OLFM3: variants seen among roughly 807,000 people sequenced by gnomAD.
OLFM3 encodes the protein olfactomedin 3.
A neutral mutation model predicts 48.6 loss-of-function variants in OLFM3; 20 were observed. The ratio of observed to expected loss-of-function variants is 0.41; its 90% CI spans 0.29 to 0.60. The LOEUF is 0.60. Among genes scored for constraint, OLFM3 ranks in the 20% least tolerant of loss-of-function variants. The probability of loss-of-function intolerance (pLI) is 0.28; values close to 1 mark genes in which losing one functional copy is unlikely to be tolerated. For synonymous variants in OLFM3, 222 were observed against 198.1 expected (o/e 1.12, Z -1.01); for missense variants, 437 against 544.3 (o/e 0.80, Z 1.96).
intron 1 of OLFM3, among the ~76,000 whole-genome samples, chr1:101,988,066 T>C (rs1661298823): frequency 6.6e-6 from 1 of 152,068 alleles, no homozygotes; most frequent in African/African-American, 2.4e-5. Context: ...GGCTTTTCTT[T>C]ATATGGCACA....
chr1:101,843,501 G>A (rs541449518), intron 1 of OLFM3, among the ~76,000 whole-genome samples: 27 of 152,252 alleles, frequency 1.8e-4, no homozygotes, highest in Non-Finnish European at 3.2e-4. Context: ...AGGCTGATGG[G>A]CCCAGTGGAT....
At chr1:101,986,628 T>C (rs1390397510) in intron 1 of OLFM3, among the ~76,000 whole-genome samples, 1 of 152,252 alleles carries the variant, frequency 6.6e-6, no homozygotes, top group Non-Finnish European at 1.5e-5. Context: ...AATATCATTA[T>C]GTACAAATAG....
In OLFM3 at chr1:101,919,056, C is replaced by T. The variant is rs1336170215; in HGVS notation, c.69+77692G>A. Among the ~76,000 whole-genome samples, 14 of 152,074 alleles carry T rather than the reference C, an allele frequency of 9.2e-5. No individual in the cohort carries two copies. In the East Asian group the frequency reaches 2.7e-3, roughly 29 times the overall value. ...TTAGTTCACTGTTACATATCAACCA[C>T]CTAACTGTACTTTAATTTTATTTGA... is the stretch of plus-strand genomic sequence containing the variant. On this transcript the variant is annotated intron_variant, in intron 1 of 5. Transcript: ENST00000370103.
At chr1:101,904,279 G>A (rs1202942400) in intron 1 of OLFM3, among the ~76,000 whole-genome samples, 1 of 152,034 alleles carries the variant, frequency 6.6e-6, no homozygotes, top group Non-Finnish European at 1.5e-5. Flanking sequence ...ATATGGTCAG[G>A]GTAAATTGGA....
intron 1 of OLFM3, among the ~76,000 whole-genome samples, chr1:101,982,422 T>C (rs1341707608): frequency 6.6e-6 from 1 of 152,186 alleles, no homozygotes; most frequent in African/African-American, 2.4e-5. Flanking sequence ...AATATAAAGA[T>C]AGAGAATATA....
At chr1:101,824,104 TTG>T (rs141570598) in intron 4 of OLFM3, among the ~76,000 whole-genome samples, 28 of 149,920 alleles carry the variant, frequency 1.9e-4, no homozygotes, top group East Asian at 3.9e-4. Context: ...AATTAATCTT[TTG>T]TGTGTGTGTG....
At chr1:101,835,714 G>A (rs576818898) in intron 2 of OLFM3, among the ~76,000 whole-genome samples, 6 of 152,244 alleles carry the variant, frequency 3.9e-5, no homozygotes, top group South Asian at 2.1e-4. Context: ...TGAGGGATCC[G>A]AAAGGATGGG....
At position 101,846,705 on chromosome 1, in the gene OLFM3, G is replaced by T; in HGVS notation, c.70-9680C>A. The stretch of plus-strand genomic sequence containing the variant: ...TAAAGTGTTTATAAATAAATATGAT[G>T]AAAGTTACCACATAGTTACTACATT... On this transcript the variant is annotated intron_variant, in intron 1 of 5. Coordinates refer to ENST00000370103, the MANE Select transcript of OLFM3 (RefSeq NM_058170.4). The T allele has an allele frequency of 5.0e-6, 3 of 605,556 alleles. No homozygotes were observed. In the South Asian group the frequency reaches 6.9e-5, roughly 14 times the overall value. 37.5% of individuals were successfully genotyped at this position (605,556 alleles called of 1,614,324 possible).
chr1:101,827,062 T>C (rs1654896280), intron 3 of OLFM3, among the ~76,000 whole-genome samples: 2 of 152,226 alleles, frequency 1.3e-5, no homozygotes. Flanking sequence ...GTCCACCCAA[T>C]GCTCATATCA....
chr1:101,894,717 T>C (rs373666413), intron 1 of OLFM3, among the ~76,000 whole-genome samples: 17 of 152,284 alleles, frequency 1.1e-4, no homozygotes, highest in Non-Finnish European at 2.2e-4. Context: ...TAAATGTGTT[T>C]CAAAGTCCAA....
chr1:101,994,906 T>C (rs1352602719), intron 1 of OLFM3, among the ~76,000 whole-genome samples: 1 of 152,020 alleles, frequency 6.6e-6, no homozygotes, highest in Non-Finnish European at 1.5e-5. Flanking sequence ...CTGAAGAAAG[T>C]AAAAAGTTTT....
chr1:101,970,075 G>T (rs1048459868), intron 1 of OLFM3, among the ~76,000 whole-genome samples: 6 of 151,776 alleles, frequency 4.0e-5, no homozygotes, highest in Admixed American at 6.6e-5. Context: ...GAGTGCAGTG[G>T]CTTGATCTCA....
At chr1:101,850,963 G>A (rs928517870) in intron 1 of OLFM3, among the ~76,000 whole-genome samples, 5 of 152,056 alleles carry the variant, frequency 3.3e-5, no homozygotes, top group African/African-American at 1.2e-4. Context: ...CAATTGGGTA[G>A]AACATCGAAA....
intron 1 of OLFM3, among the ~76,000 whole-genome samples, chr1:101,970,177 C>T (rs966955022): frequency 3.3e-5 from 5 of 152,086 alleles, no homozygotes; most frequent in Middle Eastern, 3.4e-3. Context: ...TACCACACCC[C>T]GCTAATTTTT....
chr1:101,959,502 T>C (rs544742169), intron 1 of OLFM3, among the ~76,000 whole-genome samples: 1 of 152,234 alleles, frequency 6.6e-6, no homozygotes, highest in East Asian at 1.9e-4. Flanking sequence ...ACATGCACTG[T>C]GCTCGGCTTA....
intron 1 of OLFM3, among the ~76,000 whole-genome samples, chr1:101,877,929 T>C (rs1459354373): frequency 6.6e-6 from 1 of 151,870 alleles, no homozygotes; most frequent in Admixed American, 6.6e-5. Flanking sequence ...GTTTTTTTTC[T>C]ATTTAATACT....
In OLFM3 at chr1:101,804,449, G is replaced by A. The variant is rs2100856440; in HGVS notation, c.1166C>T (p.Ser389Phe). Residue 389 changes from serine to phenylalanine, a missense_variant, in exon 6 of 6, where the codon TCC (serine) becomes TTC (phenylalanine). Coordinates refer to ENST00000370103, the MANE Select transcript of OLFM3 (RefSeq NM_058170.4). The surrounding 1 kb of genome is among the most constrained non-coding windows in gnomAD (Gnocchi z 4.5). ...ATACACCTTGGCTCCAGTTAAGTGG[G>A]AGTTGGTGACATACAGTGTCCCACA... is the stretch of plus-strand genomic sequence containing the variant. ...MICGTLYVTN[S>F]HLTGAKVYYS... 1 of 1,612,570 alleles carries A rather than the reference G, an allele frequency of 6.2e-7. No individual in the cohort carries two copies. The highest frequency in any genetic ancestry group is 8.5e-7 in the Non-Finnish European group (1 of 1,179,040).
intron 1 of OLFM3, among the ~76,000 whole-genome samples, chr1:101,849,623 C>T (rs1656146002): frequency 6.6e-6 from 1 of 152,150 alleles, no homozygotes; most frequent in African/African-American, 2.4e-5. Context: ...CAAAGCATAT[C>T]AGAGACAAGA....
intron 1 of OLFM3, among the ~76,000 whole-genome samples, chr1:101,930,316 T>G (rs989592623): frequency 6.6e-6 from 1 of 152,182 alleles, no homozygotes; most frequent in Non-Finnish European, 1.5e-5. Context: ...AAGAATATAA[T>G]AGTGGCCATA....
Sources: allele counts gnomAD v4.1 joint callset (sites outside exome capture counted in the v4.1 genomes callset), GRCh38; gene constraint gnomAD v4.1.1; non-coding constraint Gnocchi (gnomAD v3.1); transcripts MANE v1.5; gene names NCBI Gene and HGNC (gene_info 2026-07-23, HGNC 2026-07-21).